The following NOL10 variants were observed in gnomAD, a reference collection of about 807,000 sequenced individuals.
NOL10 encodes the protein nucleolar protein 10, also known as H_NH0074G24.1.
NOL10 carries 58 observed loss-of-function variants against 103.5 expected under a neutral mutation model. The observed-to-expected ratio is 0.56, with a 90% CI of 0.45 to 0.70. The LOEUF is 0.70. NOL10 is among the 30% of genes least tolerant of loss of function. The pLI is 0.00. For synonymous variants in NOL10, 287 were observed against 282.5 expected (o/e 1.02, Z -0.16); for missense variants, 763 against 807.3 (o/e 0.95, Z 0.67).
intron 13 of NOL10, among the ~76,000 whole-genome samples, chr2:10,637,754 T>A (rs561763367): frequency 6.6e-6 from 1 of 152,316 alleles, no homozygotes; most frequent in East Asian, 1.9e-4. Flanking sequence ...CAGAGTTTTG[T>A]GGGTTTATGA....
intron 19 of NOL10, among the ~76,000 whole-genome samples, chr2:10,583,613 A>G (rs990213425): frequency 1.3e-5 from 2 of 152,214 alleles, no homozygotes; most frequent in African/African-American, 2.4e-5. Context: ...ACATTACTAG[A>G]CATCTCTACG....
chr2:10,647,580 T>C (rs1679169676), intron 12 of NOL10, among the ~76,000 whole-genome samples: 1 of 152,178 alleles, frequency 6.6e-6, no homozygotes, highest in African/African-American at 2.4e-5. Flanking sequence ...TGGGAAGTGC[T>C]GCGCAAAAAC....
chr2:10,585,161 CTCTAT>C (rs1246704649), intron 19 of NOL10, among the ~76,000 whole-genome samples: 2 of 152,228 alleles, frequency 1.3e-5, no homozygotes, highest in Non-Finnish European at 2.9e-5. Context: ...CAAGTGCCCA[CTCTAT>C]TCTAAGTACT....
chr2:10,630,497 G>A (rs1677764327), intron 13 of NOL10, among the ~76,000 whole-genome samples: 1 of 152,134 alleles, frequency 6.6e-6, no homozygotes, highest in African/African-American at 2.4e-5. Context: ...CGGATCATGA[G>A]GTCAGGAGAT....
At chr2:10,578,684 G>GA (rs1430104091) in intron 19 of NOL10, among the ~76,000 whole-genome samples, 1 of 152,130 alleles carries the variant, frequency 6.6e-6, no homozygotes, top group Non-Finnish European at 1.5e-5. Flanking sequence ...TTATAAACTA[G>GA]AACACTGGCC....
At chr2:10,676,995 G>A (rs917334157) in intron 3 of NOL10, among the ~76,000 whole-genome samples, 12 of 149,932 alleles carry the variant, frequency 8.0e-5, no homozygotes, top group Non-Finnish European at 4.4e-5. Flanking sequence ...CTGGAGTGCA[G>A]AGGAGTAATC....
chr2:10,612,904 C>T (rs567087243), intron 13 of NOL10, among the ~76,000 whole-genome samples: 99 of 151,188 alleles, frequency 6.5e-4, no homozygotes, highest in Non-Finnish European at 1.2e-3. Flanking sequence ...TGGCATGTGC[C>T]TGTGGTCCCA....
intron 1 of NOL10, among the ~76,000 whole-genome samples, chr2:10,687,364 C>T (rs1682289960): frequency 6.6e-6 from 1 of 152,172 alleles, no homozygotes; most frequent in African/African-American, 2.4e-5. Flanking sequence ...ACCACCACCT[C>T]CTCCTTGAAA....
intron 6 of NOL10, among the ~76,000 whole-genome samples, chr2:10,669,120 T>G (rs1680744043): frequency 6.6e-6 from 1 of 152,014 alleles, no homozygotes; most frequent in African/African-American, 2.4e-5. Flanking sequence ...GATATGGGGT[T>G]TTGCTCTTAT....
At chr2:10,656,684 G>A (rs1229140062) in intron 11 of NOL10, among the ~76,000 whole-genome samples, 2 of 152,256 alleles carry the variant, frequency 1.3e-5, no homozygotes, top group South Asian at 2.1e-4. Flanking sequence ...CAGCCCCCAC[G>A]GAATAGACGG....
chr2:10,597,540 T>C (rs1675758147), intron 17 of NOL10, among the ~76,000 whole-genome samples: 1 of 152,240 alleles, frequency 6.6e-6, no homozygotes, highest in Admixed American at 6.5e-5. Flanking sequence ...TCATGAGTGA[T>C]TTCTACGATC....
At chr2:10,652,096 C>T (rs372443619) in intron 12 of NOL10, among the ~76,000 whole-genome samples, 15 of 151,880 alleles carry the variant, frequency 9.9e-5, no homozygotes, top group Non-Finnish European at 2.2e-4. Context: ...AAATATTAGC[C>T]GGGCGTGGTG....
Position 10,663,366 on chromosome 2 carries a change from C to CAA in NOL10, c.592-324_592-323dup, listed in dbSNP as rs35569218. On this transcript the variant is annotated intron_variant, in intron 8 of 20. Coordinates refer to ENST00000381685, the MANE Select transcript of NOL10 (RefSeq NM_024894.4). Reference sequence around the variant, plus strand: ...TGAGCGACAGAGCAAGACTTCGTCTCAAAAAAAAAAAAAAAGCTGCTAAGA... The same window carrying CAA: ...TGAGCGACAGAGCAAGACTTCGTCTCAAAAAAAAAAAAAAAAAGCTGCTAAGA... Among the ~76,000 whole-genome samples the CAA allele has an allele frequency of 1.0e-3, 126 of 125,328 alleles. No individual in the cohort carries two copies. The South Asian group carries it at 0.016, about 16-fold the overall frequency. 82.2% of individuals were successfully genotyped at this position (125,328 alleles called of 152,430 possible). A position where few individuals can be genotyped will look rare whatever the true frequency, so the allele number is the denominator to read the frequency against.
chr2:10,685,925 G>A (rs1682168865), intron 1 of NOL10, among the ~76,000 whole-genome samples: 1 of 93,764 alleles, frequency 1.1e-5, no homozygotes, highest in Admixed American at 9.7e-5. Context: ...AGCTGGGCAT[G>A]TTGGTACACA....
intron 6 of NOL10, 137 bp from the exon 7 acceptor site, chr2:10,668,860 T>C (rs954636599): frequency 1.5e-5 from 5 of 341,098 alleles, no homozygotes; most frequent in African/African-American, 1.1e-4. Context: ...GTATTCTAAA[T>C]CTGAAAAATA....
chr2:10,665,961 T>G (rs918092292), intron 8 of NOL10, among the ~76,000 whole-genome samples: 3 of 152,172 alleles, frequency 2.0e-5, no homozygotes, highest in African/African-American at 7.2e-5. Flanking sequence ...ATGCTGAGGT[T>G]TGCAGTGTGA....
chr2:10,602,683 CAAGAA>C, intron 16 of NOL10, 88 bp downstream of exon 16: 1 of 796,370 alleles, frequency 1.3e-6, no homozygotes, highest in East Asian at 2.6e-5. Flanking sequence ...GATGGAAAAT[CAAGAA>C]AAGAATGGCA....
chr2:10,632,957 C>A (rs1309511141), intron 13 of NOL10, among the ~76,000 whole-genome samples: 1 of 152,102 alleles, frequency 6.6e-6, no homozygotes, highest in African/African-American at 2.4e-5. Context: ...GTGTGAGCCA[C>A]CGCACTAGGC....
rs1242177954 is a variant in NOL10 at position 10,577,618 on chromosome 2, C to T, written c.1947+18G>A. The T allele has an allele frequency of 6.4e-7, 1 of 1,562,342 alleles. No individual in the cohort carries two copies. The highest frequency in any genetic ancestry group is 1.4e-5 in the African/African-American group (1 of 73,956). ...TTTTCTTTTGTGAATTAAAAAATAA[C>T]AATAAAAGACAACTCACCCTCTTTA... On this transcript the variant is annotated intron_variant, in intron 20 of 20. Transcript: ENST00000381685.
Sources: allele counts gnomAD v4.1 joint callset (sites outside exome capture counted in the v4.1 genomes callset), GRCh38; gene constraint gnomAD v4.1.1; transcripts MANE v1.5; gene names NCBI Gene and HGNC (gene_info 2026-07-23, HGNC 2026-07-21).